Variants in BEAN1 observed in about 807,000 individuals in gnomAD.
BEAN1 encodes the protein brain expressed associated with NEDD4 1.
A neutral mutation model predicts 17.7 loss-of-function variants in BEAN1; 17 were observed. That is an observed-to-expected ratio of 0.96 (90% CI 0.66 to 1.44). The LOEUF (loss-of-function observed/expected upper bound fraction) is 1.44. BEAN1 is among the 40% of genes most tolerant of loss of function. The pLI is 0.00. For missense variants in BEAN1, 359 were observed against 374.1 expected (o/e 0.96, Z 0.33); for synonymous variants, 142 against 151.8 (o/e 0.94, Z 0.47).
intron 4 of BEAN1, among the ~76,000 whole-genome samples, chr16:66,488,958 G>C (rs1288542555): frequency 1.3e-5 from 2 of 151,746 alleles, no homozygotes; most frequent in Non-Finnish European, 2.9e-5. Flanking sequence ...GATTGCCTGA[G>C]GTCAGGAGTT....
Position 66,437,585 on chromosome 16 carries a change from G to A in BEAN1, c.-82-10G>A. 1 of 1,411,392 alleles carries A rather than the reference G, an allele frequency of 7.1e-7. No individual in the cohort carries two copies. The highest frequency in any genetic ancestry group is 2.5e-5 in the East Asian group (1 of 40,036). The allele number at this position is 1,411,392 out of a possible 1,614,324, so 87.4% of individuals were successfully genotyped here. A position where few individuals can be genotyped will look rare whatever the true frequency, so the allele number is the denominator to read the frequency against. ...GGCCCCCCAACACCTGCCTGTTTGT[G>A]TCTCCGCAGGTGAGTGGAGGGGCCT... On this transcript the variant is annotated splice_polypyrimidine_tract_variant and intron_variant, in intron 1 of 4. Transcript: ENST00000536005.
At position 66,490,623 on chromosome 16, in the gene BEAN1, C is replaced by A. The variant is rs181834283; in HGVS notation, c.148-2339C>A. 4.6e-5 allele frequency among the ~76,000 whole-genome samples: 7 copies of A among 152,176 alleles called. No individual in the cohort carries two copies. The South Asian group carries it at 8.3e-4, about 18-fold the overall frequency. The stretch of plus-strand genomic sequence containing the variant: ...TGGTTGAGGGTCGCCACCTTCCTGG[C>A]GCTTCCAGCCTGTCCCGCACACTAG... On this transcript the variant is annotated intron_variant, in intron 4 of 4. Coordinates refer to the BEAN1 transcript ENST00000561796.
chr16:66,449,252 G>A (rs1206816060), intron 2 of BEAN1, among the ~76,000 whole-genome samples: 4 of 152,132 alleles, frequency 2.6e-5, no homozygotes, highest in Non-Finnish European at 5.9e-5. Flanking sequence ...TCCAGCCTGG[G>A]CAACAGAGCA....
intron 3 of BEAN1, among the ~76,000 whole-genome samples, chr16:66,472,927 C>G (rs983755434): frequency 2.6e-5 from 4 of 151,338 alleles, no homozygotes; most frequent in Admixed American, 1.3e-4. Flanking sequence ...GAGGCTGAGT[C>G]GGGAGGGTCC....
chr16:66,472,777 T>C (rs1431813424), intron 3 of BEAN1, among the ~76,000 whole-genome samples: 1 of 152,020 alleles, frequency 6.6e-6, no homozygotes, highest in Non-Finnish European at 1.5e-5. Flanking sequence ...TTCAACACTT[T>C]GGGAGGCCAA....
chr16:66,462,984 A>G (rs2344998), intron 2 of BEAN1, among the ~76,000 whole-genome samples: 41,498 of 152,034 alleles, frequency 0.27, 6,876 homozygotes, highest in African/African-American at 0.44. Context: ...ATAGTGGGGT[A>G]GAGGTCAGTC....
intron 2 of BEAN1, among the ~76,000 whole-genome samples, chr16:66,452,917 C>G (rs1962727866): frequency 6.6e-6 from 1 of 152,062 alleles, no homozygotes; most frequent in Admixed American, 6.6e-5. Context: ...CTGTCTCCCT[C>G]CCCCCAACTA....
At position 66,480,911 on chromosome 16, in the gene BEAN1, G is replaced by A; in HGVS notation, c.766G>A (p.Glu256Lys). Residue 256 changes from glutamate (E) to lysine (K), a missense_variant, in exon 5 of 5, where the codon GAG (glutamate) becomes AAG (lysine). By Grantham distance (56) the Glu-to-Lys change is moderately conservative. Transcript: ENST00000536005. ...AACCCGGGCCCCAGCCTCTGGCCCAGAGAGGATTGTGTGAGGGACCCAGCC... is the reference window on the plus strand; with the variant it reads ...AACCCGGGCCCCAGCCTCTGGCCCAAAGAGGATTGTGTGAGGGACCCAGCC... ...TPTRAPASGP[E>K]RIV 1 of 1,454,366 alleles carries A rather than the reference G, an allele frequency of 6.9e-7. No homozygotes were observed. Among genetic ancestry groups the A allele is most frequent in the South Asian group, 1.4e-5 (1 of 69,410 alleles). The allele number at this position is 1,454,366 out of a possible 1,614,324, so 90.1% of individuals were successfully genotyped here.
At chr16:66,442,968 CT>C (rs1962315346) in intron 2 of BEAN1, among the ~76,000 whole-genome samples, 1 of 152,160 alleles carries the variant, frequency 6.6e-6, no homozygotes, top group Admixed American at 6.5e-5. Flanking sequence ...AGAGACCTAG[CT>C]ACCAATAGAA....
chr16:66,454,825 CAAG>C (rs1042315459), intron 2 of BEAN1, among the ~76,000 whole-genome samples: 2 of 131,886 alleles, frequency 1.5e-5, no homozygotes, highest in African/African-American at 5.7e-5. Flanking sequence ...GACAAAGAAA[CAAG>C]AAAGTGTGAT....
intron 2 of BEAN1, among the ~76,000 whole-genome samples, chr16:66,466,722 C>A (rs1219559856): frequency 6.6e-6 from 1 of 152,134 alleles, no homozygotes; most frequent in East Asian, 1.9e-4. Context: ...CCCACCACCA[C>A]GCCCGGGTAA....
At position 66,469,822 on chromosome 16, in the gene BEAN1, TCAC is replaced by T. The variant is rs1567502100; in HGVS notation, c.251_253del (p.His84del). The T allele has an allele frequency of 2.6e-6, 4 of 1,530,250 alleles. No individual in the cohort carries two copies. Among genetic ancestry groups the T allele is most frequent in the East Asian group, 4.9e-5 (2 of 40,720 alleles). 94.8% of individuals were successfully genotyped at this position (1,530,250 alleles called of 1,614,324 possible). Reference sequence around the variant, plus strand: ...ACCACCGCCACCACCACCACCATCATCACCACCGCCGGCGTCGACACCGAGAGT... The same window carrying T: ...ACCACCGCCACCACCACCACCATCATCACCGCCGGCGTCGACACCGAGAGT... On this transcript the variant is annotated inframe_deletion, in exon 3 of 5. Coordinates refer to ENST00000536005, the MANE Select transcript of BEAN1 (RefSeq NM_001178020.3).
intron 2 of BEAN1, among the ~76,000 whole-genome samples, chr16:66,448,548 G>A (rs1366597193): frequency 1.3e-5 from 2 of 152,238 alleles, no homozygotes; most frequent in Non-Finnish European, 2.9e-5. Flanking sequence ...ACGGCTGGGT[G>A]CGGTGGCTCA....
chr16:66,459,709 C>T (rs925183839), intron 2 of BEAN1, among the ~76,000 whole-genome samples: 14 of 152,194 alleles, frequency 9.2e-5, no homozygotes, highest in African/African-American at 3.4e-4. Context: ...GCAGGCTTCT[C>T]TCCAGCCTCC....
exon 5 of BEAN1, chr16:66,492,965 T>C (rs1353855467): frequency 7.1e-6 from 5 of 702,732 alleles, no homozygotes; most frequent in Non-Finnish European, 1.3e-5. Context: ...GTTCTAGATG[T>C]ACACTGGGAG....
intron 2 of BEAN1, among the ~76,000 whole-genome samples, chr16:66,446,704 T>A (rs1334261732): frequency 6.6e-6 from 1 of 151,970 alleles, no homozygotes; most frequent in Non-Finnish European, 1.5e-5. Flanking sequence ...GCAAAATGAT[T>A]TCTGTATCTA....
chr16:66,493,304 G>T, exon 5 of BEAN1: 1 of 701,036 alleles, frequency 1.4e-6, no homozygotes, highest in Non-Finnish European at 2.6e-6. Flanking sequence ...ACCACAGCAA[G>T]GTCCCTCAGA....
Position 66,473,032 on chromosome 16 carries a change from A to T in BEAN1, c.289+3167A>T, listed in dbSNP as rs140130964. Among the ~76,000 whole-genome samples the T allele has an allele frequency of 1.2e-3, 180 of 152,216 alleles. No homozygotes were observed. The highest frequency in any genetic ancestry group is 4.0e-3 in the African/African-American group (168 of 41,542). On this transcript the variant is annotated intron_variant, in intron 3 of 4. Transcript: ENST00000536005. This position sits in a 1 kb window ranked among gnomAD's most constrained non-coding sequence, Gnocchi z 4.5. ...GAGAGACCCTGTCTCTAAAAAAATA[A>T]AAAAATTAAGACTGGGAAACTGAGG...
At chr16:66,484,791 C>A (rs1964063723), downstream of BEAN1, 1 of 453,982 alleles carries the variant, frequency 2.2e-6, no homozygotes, top group Admixed American at 2.3e-5. The surrounding 1 kb of genome is among the most constrained non-coding windows in gnomAD (Gnocchi z 4.2). Flanking sequence ...GAGTAGAACG[C>A]ACCTCAAAGT....
Sources: allele counts gnomAD v4.1 joint callset (sites outside exome capture counted in the v4.1 genomes callset), GRCh38; gene constraint gnomAD v4.1.1; non-coding constraint Gnocchi (gnomAD v3.1); transcripts MANE v1.5; gene names NCBI Gene and HGNC (gene_info 2026-07-23, HGNC 2026-07-21).